Variants in PLS1 observed in about 807,000 individuals in gnomAD.
PLS1 encodes plastin-1.
Under a neutral mutation model 73.7 loss-of-function variants are expected in PLS1, and 32 were observed. The observed-to-expected ratio is 0.43, with a 90% confidence interval of 0.33 to 0.58. PLS1 has a LOEUF of 0.58. PLS1 is among the 20% of genes least tolerant of loss of function. The probability of loss-of-function intolerance (pLI) is 0.04; values close to 1 mark genes in which losing one functional copy is unlikely to be tolerated. For synonymous variants in PLS1, 217 were observed against 261.3 expected (o/e 0.83, Z 1.63); for missense variants, 633 against 740.5 (o/e 0.85, Z 1.68).
rs775498545 is a variant in PLS1 at position 142,676,210 on chromosome 3, C to T, written c.418C>T (p.Pro140Ser). 16 of 1,612,772 alleles carry T rather than the reference C, an allele frequency of 9.9e-6. No individual in the cohort carries two copies. Among genetic ancestry groups the T allele is most frequent in the Non-Finnish European group, 1.2e-5 (14 of 1,178,968 alleles). The change falls in exon 5 of 16, where the codon CCT (proline) becomes TCT (serine). Residue 140 changes from proline to serine, a missense_variant. By Grantham distance (74) the Pro-to-Ser change is moderately conservative. Coordinates refer to ENST00000457734, the MANE Select transcript of PLS1 (RefSeq NM_001145319.2). ...GATAAACAAAGCCCTGGAGAATGAC[C>T]CTGACTGTAAGCATCTTATACCCAT... ...NWINKALEND[P>S]DCKHLIPMNP... is the part of the protein sequence containing the mutation.
At chr3:142,699,880 T>A (rs1247136555) in intron 12 of PLS1, among the ~76,000 whole-genome samples, 1 of 152,230 alleles carries the variant, frequency 6.6e-6, no homozygotes, top group African/African-American at 2.4e-5. Flanking sequence ...TCAGCATTTC[T>A]AGTCATTGGA....
chr3:142,614,859 A>T (rs1161859767), intron 1 of PLS1, among the ~76,000 whole-genome samples: 2 of 152,028 alleles, frequency 1.3e-5, no homozygotes, highest in Non-Finnish European at 2.9e-5. Context: ...CGCTCTCTAG[A>T]TTTCCTTCCT....
At chr3:142,704,609 A>AT (rs560135447) in intron 14 of PLS1, 23 bp downstream of exon 14, 164 of 1,255,006 alleles carry the variant, frequency 1.3e-4, no homozygotes, top group Admixed American at 2.6e-4. Context: ...CCTAAAAAAA[A>AT]TTTTTTTTTG....
intron 2 of PLS1, among the ~76,000 whole-genome samples, chr3:142,664,552 G>A (rs192922375): frequency 2.0e-5 from 3 of 152,188 alleles, no homozygotes; most frequent in Admixed American, 2.0e-4. Flanking sequence ...CCAGGTTAAT[G>A]AATGACAATG....
chr3:142,668,373 A>G (rs2037521442), intron 2 of PLS1, among the ~76,000 whole-genome samples: 1 of 152,210 alleles, frequency 6.6e-6, no homozygotes, highest in African/African-American at 2.4e-5. Context: ...ATGATTCAGC[A>G]TACGTAATGG....
At chr3:142,673,326 T>C (rs1022529708) in intron 4 of PLS1, among the ~76,000 whole-genome samples, 2 of 152,190 alleles carry the variant, frequency 1.3e-5, no homozygotes, top group African/African-American at 4.8e-5. Context: ...CCATGGTACC[T>C]GGCCCCTTCA....
intron 10 of PLS1, among the ~76,000 whole-genome samples, chr3:142,690,447 A>G (rs2038063146): frequency 6.6e-6 from 1 of 151,982 alleles, no homozygotes; most frequent in African/African-American, 2.4e-5. Flanking sequence ...ATGCTGTGTT[A>G]TTTCTCTCTT....
chr3:142,697,247 C>G (rs1227589186), intron 11 of PLS1, among the ~76,000 whole-genome samples: 1 of 152,144 alleles, frequency 6.6e-6, no homozygotes, highest in African/African-American at 2.4e-5. Flanking sequence ...AAGTTCCTTC[C>G]TCTTAACCCT....
intron 1 of PLS1, among the ~76,000 whole-genome samples, chr3:142,607,434 G>A (rs921792090): frequency 1.3e-5 from 2 of 152,042 alleles, no homozygotes; most frequent in Non-Finnish European, 2.9e-5. Flanking sequence ...GTGCCACCAC[G>A]CCCAGCTAAT....
intron 9 of PLS1, 110 bp downstream of exon 9, chr3:142,686,486 T>C: frequency 1.4e-6 from 1 of 721,452 alleles, no homozygotes; most frequent in Non-Finnish European, 2.5e-6. Flanking sequence ...TACATTTGCA[T>C]TGTTGTGCAG....
intron 1 of PLS1, among the ~76,000 whole-genome samples, chr3:142,631,846 A>G (rs1192194179): frequency 3.9e-5 from 6 of 152,114 alleles, no homozygotes; most frequent in Admixed American, 2.6e-4. Context: ...AACACAAGCA[A>G]CAAAAGCACA....
intron 1 of PLS1, among the ~76,000 whole-genome samples, chr3:142,636,979 A>G (rs2036707539): frequency 6.6e-6 from 1 of 152,230 alleles, no homozygotes; most frequent in Non-Finnish European, 1.5e-5. Flanking sequence ...GCAAAATGGT[A>G]TAATTATTTT....
intron 1 of PLS1, among the ~76,000 whole-genome samples, chr3:142,622,758 A>G (rs1477317503): frequency 6.6e-6 from 1 of 152,210 alleles, no homozygotes; most frequent in Admixed American, 6.5e-5. Flanking sequence ...ACGCTGTATA[A>G]TACTATAACA....
intron 1 of PLS1, among the ~76,000 whole-genome samples, chr3:142,613,059 C>T (rs1290828443): frequency 6.6e-6 from 1 of 152,190 alleles, no homozygotes; most frequent in Non-Finnish European, 1.5e-5. Context: ...AGCCACCGTG[C>T]CCGGCCAATT....
intron 1 of PLS1, among the ~76,000 whole-genome samples, chr3:142,630,217 T>G (rs930533958): frequency 6.7e-6 from 1 of 148,866 alleles, no homozygotes; most frequent in African/African-American, 2.5e-5. Flanking sequence ...AGGCCAGGAT[T>G]TTGAGACCAT....
chr3:142,601,067 G>A (rs570339015), intron 1 of PLS1, among the ~76,000 whole-genome samples: 47 of 145,272 alleles, frequency 3.2e-4, no homozygotes, highest in Admixed American at 8.2e-4. Flanking sequence ...GGGACTACAG[G>A]CACCCGCCAC....
At chr3:142,604,098 C>T (rs893397220) in intron 1 of PLS1, among the ~76,000 whole-genome samples, 14 of 152,080 alleles carry the variant, frequency 9.2e-5, no homozygotes, top group African/African-American at 3.4e-4. Context: ...AAAGCTCCTT[C>T]AATTTTTTTG....
At chr3:142,644,521 G>T (rs1352018633) in intron 1 of PLS1, among the ~76,000 whole-genome samples, 1 of 152,114 alleles carries the variant, frequency 6.6e-6, no homozygotes, top group Non-Finnish European at 1.5e-5. Flanking sequence ...CCAAAGTGCT[G>T]GGATTATAGG....
Position 142,689,793 on chromosome 3 carries a change from T to G in PLS1, c.1157T>G (p.Ile386Ser). Reference protein sequence around the residue: ...PCLHKPNNNDIDMNLLEGESK... With the variant: ...PCLHKPNNNDSDMNLLEGESK... ...CTGCACAAGCCGAATAATAATGACA[T>G]CGATATGAATTTACTGGAAGGTGCG... Residue 386 changes from isoleucine (I) to serine (S), a missense_variant, in exon 10 of 16, where the codon ATC becomes AGC. Physicochemically the swap from Ile to Ser is moderately radical, Grantham distance 142. Coordinates refer to ENST00000457734, the MANE Select transcript of PLS1 (RefSeq NM_001145319.2). 1 of 1,587,988 alleles carries G rather than the reference T, an allele frequency of 6.3e-7. No homozygotes were observed. Among genetic ancestry groups the G allele is most frequent in the Non-Finnish European group, 8.6e-7 (1 of 1,168,010 alleles).
Sources: allele counts gnomAD v4.1 joint callset (sites outside exome capture counted in the v4.1 genomes callset), GRCh38; gene constraint gnomAD v4.1.1; transcripts MANE v1.5; gene names NCBI Gene and HGNC (gene_info 2026-07-23, HGNC 2026-07-21).